Variants in EFCAB6 observed in about 807,000 individuals in gnomAD.
The protein encoded by EFCAB6 is EF-hand calcium-binding domain-containing protein 6.
In EFCAB6, 156 loss-of-function variants were observed where a neutral mutation model predicts 169.8. The ratio of observed to expected loss-of-function variants is 0.92; its 90% CI spans 0.81 to 1.05. EFCAB6 has a LOEUF of 1.05. EFCAB6 is among the 50% of genes least tolerant of loss of function. The probability of loss-of-function intolerance (pLI) is 0.00; values close to 1 mark genes in which losing one functional copy is unlikely to be tolerated. For synonymous variants in EFCAB6, 698 were observed against 676.4 expected, an observed-to-expected ratio of 1.03 and a Z score of -0.50; for missense variants, 1,800 against 1,829.1, an observed-to-expected ratio of 0.98 and a Z score of 0.29.
At chr22:43,664,696 C>A (rs1288909802) in intron 17 of EFCAB6, among the ~76,000 whole-genome samples, 2 of 152,158 alleles carry the variant, frequency 1.3e-5, no homozygotes, top group Non-Finnish European at 2.9e-5. Context: ...CAGCCTCTGT[C>A]TGAGGGGAGA....
Position 43,576,449 on chromosome 22 carries a change from TTACAAATCCTGTATCCTC to T in EFCAB6, c.3250_3267del (p.Glu1084_Val1089del). The T allele has an allele frequency of 6.3e-7, 1 of 1,590,480 alleles. No homozygotes were observed. Among genetic ancestry groups the T allele is most frequent in the Non-Finnish European group, 8.5e-7 (1 of 1,173,166 alleles). ...AGAACTTGTCCGAATTCTGTAGCCT[TTACAAATCCTGTATCCTC>T]TTTATCCAATGCAGAAAATGCCTAA... On this transcript the variant is annotated inframe_deletion, in exon 26 of 32. Transcript: ENST00000262726.
chr22:43,765,881 A>G (rs527969321), intron 4 of EFCAB6, among the ~76,000 whole-genome samples: 1 of 152,304 alleles, frequency 6.6e-6, no homozygotes, highest in Admixed American at 6.5e-5. Flanking sequence ...TACAGACTGT[A>G]GATTAAATAA....
intron 17 of EFCAB6, among the ~76,000 whole-genome samples, chr22:43,638,789 C>CTTT (rs796807640): frequency 4.2e-4 from 61 of 145,112 alleles, no homozygotes; most frequent in Middle Eastern, 3.6e-3. Flanking sequence ...GCACCCTGTT[C>CTTT]TTTTTTTTTT....
At chr22:43,799,535 T>G (rs1485226968) in intron 2 of EFCAB6, among the ~76,000 whole-genome samples, 1 of 152,238 alleles carries the variant, frequency 6.6e-6, no homozygotes, top group African/African-American at 2.4e-5. Flanking sequence ...ATAATTACAG[T>G]TATTCTATAA....
chr22:43,722,600 G>GT (rs1349339398), intron 8 of EFCAB6, among the ~76,000 whole-genome samples: 1 of 151,844 alleles, frequency 6.6e-6, no homozygotes. Context: ...CTCAGGCATT[G>GT]TTGGTGGGAA....
intron 26 of EFCAB6, among the ~76,000 whole-genome samples, chr22:43,561,490 C>T (rs572112669): frequency 2.0e-5 from 3 of 152,182 alleles, no homozygotes; most frequent in African/African-American, 4.8e-5. Flanking sequence ...GGAGGAACCA[C>T]CGACCTGGGG....
chr22:43,694,122 A>G (rs2058495194), intron 10 of EFCAB6, among the ~76,000 whole-genome samples: 1 of 152,066 alleles, frequency 6.6e-6, no homozygotes, highest in African/African-American at 2.4e-5. Context: ...GAATATACAT[A>G]TATTTATAAA....
chr22:43,575,286 G>A (rs1311439640), intron 26 of EFCAB6, among the ~76,000 whole-genome samples: 21 of 151,904 alleles, frequency 1.4e-4, no homozygotes, highest in Non-Finnish European at 4.4e-5. Context: ...CGCCTCCTGG[G>A]TTCAGGTGAT....
chr22:43,552,314 C>T (rs566645519), intron 27 of EFCAB6: 1 of 152,166 alleles, frequency 6.6e-6, no homozygotes, highest in Non-Finnish European at 1.5e-5. Context: ...GGGGCATATA[C>T]CCAGTAATGG....
At chr22:43,643,584 G>A (rs1365518883) in intron 17 of EFCAB6, among the ~76,000 whole-genome samples, 5 of 152,218 alleles carry the variant, frequency 3.3e-5, no homozygotes, top group Non-Finnish European at 4.4e-5. Context: ...GGCTCTGGCT[G>A]TACAAACAGC....
At chr22:43,784,573 A>G (rs1603369821) in intron 2 of EFCAB6, among the ~76,000 whole-genome samples, 1 of 63,480 alleles carries the variant, frequency 1.6e-5, no homozygotes, top group East Asian at 5.9e-4. Flanking sequence ...ATATATGTGT[A>G]CATATACACA....
Position 43,556,344 on chromosome 22 carries a change from T to C in EFCAB6, c.3421-1248A>G, listed in dbSNP as rs534730864. ...CAACAGGGCAGCCCGTGGAGTATGC[T>C]GACCTGGAAGGGGTGGGGCTAGAAG... On this transcript the variant is annotated intron_variant, in intron 26 of 31. Transcript: ENST00000262726. 6.0e-4 allele frequency among the ~76,000 whole-genome samples: 91 copies of C among 152,210 alleles called. 1 individual carries two copies. Among genetic ancestry groups the C allele is most frequent in the African/African-American group, 2.0e-3 (82 of 41,512 alleles).
At chr22:43,724,919 A>G (rs1291815614) in intron 8 of EFCAB6, among the ~76,000 whole-genome samples, 1 of 152,168 alleles carries the variant, frequency 6.6e-6, no homozygotes, top group East Asian at 1.9e-4. Flanking sequence ...TCTCTGTATC[A>G]AGTTTCTATC....
At chr22:43,787,731 T>C (rs1267666668) in intron 2 of EFCAB6, among the ~76,000 whole-genome samples, 3 of 152,146 alleles carry the variant, frequency 2.0e-5, no homozygotes, top group Admixed American at 6.5e-5. Flanking sequence ...GACAAGTTGG[T>C]ATTGAAATTC....
chr22:43,662,190 A>C (rs2057038928), intron 17 of EFCAB6, among the ~76,000 whole-genome samples: 1 of 145,696 alleles, frequency 6.9e-6, no homozygotes, highest in East Asian at 2.0e-4. Context: ...TAATAATAAT[A>C]ATAATAATAA....
rs575353956 is a variant in EFCAB6 at position 43,776,881 on chromosome 22, T to C, written c.140-3778A>G. Among the ~76,000 whole-genome samples the C allele has an allele frequency of 6.6e-5, 10 of 152,198 alleles. 1 individual carries two copies. In the East Asian group the frequency reaches 1.9e-3, roughly 29 times the overall value. On this transcript the variant is annotated intron_variant, in intron 3 of 31. Transcript: ENST00000262726. The stretch of plus-strand genomic sequence containing the variant: ...GCAATGTTATCTAATACAGCCTCTG[T>C]GTGGGGTTTTAAAAATGTGTTCTGG...
At position 43,784,539 on chromosome 22, in the gene EFCAB6, G is replaced by A. The variant is rs1193487634; in HGVS notation, c.-7-2214C>T. 3.9e-3 allele frequency among the ~76,000 whole-genome samples: 358 copies of A among 91,944 alleles called. 10 individuals are homozygous for A. The highest frequency in any genetic ancestry group is 8.3e-3 in the African/African-American group (200 of 24,130). The allele number at this position is 91,944 out of a possible 152,430, so 60.3% of individuals were successfully genotyped here. ...TGTGTGTGTGTGTGTGTGTGTGTGT[G>A]TGTGTATATGTATATATACACATAT... On this transcript the variant is annotated intron_variant, in intron 2 of 31. Coordinates refer to ENST00000262726, the MANE Select transcript of EFCAB6 (RefSeq NM_022785.4).
At chr22:43,558,285 T>C (rs1039642251) in intron 26 of EFCAB6, among the ~76,000 whole-genome samples, 4 of 152,222 alleles carry the variant, frequency 2.6e-5, no homozygotes, top group Non-Finnish European at 5.9e-5. Flanking sequence ...TGCCATTCTT[T>C]TATGGTCACT....
At chr22:43,582,863 C>A (rs2050819913) in intron 24 of EFCAB6, among the ~76,000 whole-genome samples, 1 of 152,092 alleles carries the variant, frequency 6.6e-6, no homozygotes, top group Non-Finnish European at 1.5e-5. Context: ...AAGAAATCAC[C>A]CCAACCTTAA....
Sources: allele counts gnomAD v4.1 joint callset (sites outside exome capture counted in the v4.1 genomes callset), GRCh38; gene constraint gnomAD v4.1.1; transcripts MANE v1.5; gene names NCBI Gene and HGNC (gene_info 2026-07-23, HGNC 2026-07-21).